Variants in PDCD1 observed in about 807,000 individuals in gnomAD.
PDCD1 encodes the protein programmed cell death 1, also known as programmed cell death protein 1.
In PDCD1, 10 loss-of-function variants were observed where a neutral mutation model predicts 23.6. The ratio of observed to expected loss-of-function variants is 0.42; its 90% CI spans 0.26 to 0.72. The LOEUF (loss-of-function observed/expected upper bound fraction) is 0.72. Ranked by LOEUF, PDCD1 falls within the 30% of genes least tolerant of loss-of-function variation. PDCD1 has a pLI of 0.24. For missense variants in PDCD1, 313 were observed against 397.8 expected (o/e 0.79, Z 1.81); for synonymous variants, 168 against 169.3 (o/e 0.99, Z 0.06).
chr2:241,850,819 G>T lies in PDCD1; in HGVS notation c.*239C>A. On this transcript the variant is annotated 3_prime_UTR_variant, in exon 5 of 5. Coordinates refer to ENST00000334409, the MANE Select transcript of PDCD1 (RefSeq NM_005018.3). Reference sequence around the variant, plus strand: ...GGACCTGAAGCAGTGACTGCATCTGGCCCTCCCTGTAGGGGACGGTGACAC... The same window carrying T: ...GGACCTGAAGCAGTGACTGCATCTGTCCCTCCCTGTAGGGGACGGTGACAC... 1 of 625,466 alleles carries T rather than the reference G, an allele frequency of 1.6e-6. No individual in the cohort carries two copies. The highest frequency in any genetic ancestry group is 2.9e-6 in the Non-Finnish European group (1 of 349,848). 38.7% of individuals were successfully genotyped at this position (625,466 alleles called of 1,614,324 possible). A position where few individuals can be genotyped will look rare whatever the true frequency, so the allele number is the denominator to read the frequency against.
At chr2:241,851,398 C>T (rs1575399280) in intron 4 of PDCD1, 101 bp from the exon 5 acceptor site, 4 of 1,268,472 alleles carry the variant, frequency 3.2e-6, no homozygotes, top group South Asian at 1.4e-5. Flanking sequence ...GAACCTGGGC[C>T]CCCCACTATG....
intron 1 of PDCD1, among the ~76,000 whole-genome samples, chr2:241,855,784 T>C (rs2124867257): frequency 6.6e-6 from 1 of 152,292 alleles, no homozygotes; most frequent in East Asian, 1.9e-4. Flanking sequence ...TGTGCTGGGA[T>C]GAGGACAGCG....
chr2:241,852,765 T>A lies in PDCD1; in HGVS notation c.292A>T (p.Thr98Ser). The change falls in exon 2 of 5, where the codon ACA (threonine) becomes TCA (serine). Residue 98 changes from threonine (T) to serine (S), a missense_variant. Around this residue, in one of 3 missense-constraint regions of PDCD1, gnomAD observed 135 missense variants for 166.9 expected, o/e 0.81. Coordinates refer to ENST00000334409, the MANE Select transcript of PDCD1 (RefSeq NM_005018.3). ...QPGQDCRFRV[T>S]QLPNGRDFHM... ...AAGTCACGCCCGTTGGGCAGTTGTG[T>A]GACACGGAAGCGGCAGTCCTGGCCG... 6.2e-7 allele frequency: 1 copy of A among 1,614,002 alleles called. No homozygotes were observed. Among genetic ancestry groups the A allele is most frequent in the Non-Finnish European group, 8.5e-7 (1 of 1,180,016 alleles).
At position 241,852,197 on chromosome 2, in the gene PDCD1, C is replaced by T; in HGVS notation, c.592+1G>A. The stretch of plus-strand genomic sequence containing the variant: ...AGGCCGAGGGGCTGGGATGACGTTA[C>T]CTCGTGCGGCCCGGGAGCAGATGAC... On this transcript the variant is annotated splice_donor_variant, in intron 3 of 4. Coordinates refer to ENST00000334409, the MANE Select transcript of PDCD1 (RefSeq NM_005018.3). LOFTEE classifies it high-confidence loss of function. The T allele has an allele frequency of 1.9e-6, 3 of 1,607,854 alleles. No homozygotes were observed. The highest frequency in any genetic ancestry group is 2.5e-6 in the Non-Finnish European group (3 of 1,178,570).
chr2:241,850,561 C>T lies in PDCD1; in HGVS notation c.*497G>A, dbSNP rs779838432. On this transcript the variant is annotated 3_prime_UTR_variant, in exon 5 of 5. Coordinates refer to ENST00000334409, the MANE Select transcript of PDCD1 (RefSeq NM_005018.3). ...GGAGTCCCCAGCCCCATGTACCTCCCACTCCTGTGCCCAGTCTTGGGCCCT... is the reference window on the plus strand; with the variant it reads ...GGAGTCCCCAGCCCCATGTACCTCCTACTCCTGTGCCCAGTCTTGGGCCCT... 2 of 384,996 alleles carry T rather than the reference C, an allele frequency of 5.2e-6. No homozygotes were observed. Among genetic ancestry groups the T allele is most frequent in the Non-Finnish European group, 4.9e-6 (1 of 202,186 alleles). The allele number at this position is 384,996 out of a possible 1,614,324, so 23.8% of individuals were successfully genotyped here.
Position 241,851,935 on chromosome 2 carries a change from A to C in PDCD1, c.627+14T>G, listed in dbSNP as rs1399022074. 6.2e-7 allele frequency: 1 copy of C among 1,613,068 alleles called. No individual in the cohort carries two copies. The highest frequency in any genetic ancestry group is 2.2e-5 in the East Asian group (1 of 44,888). On this transcript the variant is annotated intron_variant, in intron 4 of 4. Coordinates refer to ENST00000334409, the MANE Select transcript of PDCD1 (RefSeq NM_005018.3). ...AAGGCACAGTGGATCATGCAGGAAA[A>C]GAGTGAGACTCACCAGGGGCTGGCC...
At chr2:241,856,323 C>T (rs1391283433) in intron 1 of PDCD1, among the ~76,000 whole-genome samples, 6 of 152,190 alleles carry the variant, frequency 3.9e-5, no homozygotes, top group Non-Finnish European at 8.8e-5. Flanking sequence ...AGCCCTCAGT[C>T]GGCGAGAGGG....
Position 241,858,638 on chromosome 2 carries a change from G to A in PDCD1, c.76+125C>T, listed in dbSNP as rs28532536. 5,348 of 801,840 alleles carry A rather than the reference G, an allele frequency of 6.7e-3. 191 individuals carry two copies. The African/African-American group carries it at 0.079, about 12-fold the overall frequency. The allele number at this position is 801,840 out of a possible 1,614,324, so 49.7% of individuals were successfully genotyped here. A position where few individuals can be genotyped will look rare whatever the true frequency, so the allele number is the denominator to read the frequency against. ...AGTGAAAGGTCCCTCCAGACCCCTCGCTCCGGGACCCCTGGGCTGCCAGGG... is the reference window on the plus strand; with the variant it reads ...AGTGAAAGGTCCCTCCAGACCCCTCACTCCGGGACCCCTGGGCTGCCAGGG... On this transcript the variant is annotated intron_variant, in intron 1 of 4. Transcript: ENST00000334409.
At chr2:241,854,424 C>T (rs41414844) in intron 1 of PDCD1, among the ~76,000 whole-genome samples, 2 of 151,974 alleles carry the variant, frequency 1.3e-5, no homozygotes, top group Non-Finnish European at 2.9e-5. Flanking sequence ...GCGTGTGCGG[C>T]GTGGGCCCGG....
rs1267322031 is a variant in PDCD1, at chr2:241,852,995, G to A, written c.77-15C>T. On this transcript the variant is annotated splice_polypyrimidine_tract_variant and intron_variant, in intron 1 of 4. Coordinates refer to ENST00000334409, the MANE Select transcript of PDCD1 (RefSeq NM_005018.3). ...GTCTGGGGAGTCTGAGAGATGGAGA[G>A]AGGTGAGGAAGGGGCTGGGTGGCCC... 3.2e-6 allele frequency: 5 copies of A among 1,542,488 alleles called. No individual in the cohort carries two copies. The South Asian group carries it at 4.7e-5, about 15-fold the overall frequency.
At chr2:241,857,160 C>T (rs1427156814) in intron 1 of PDCD1, among the ~76,000 whole-genome samples, 2 of 152,166 alleles carry the variant, frequency 1.3e-5, no homozygotes, top group East Asian at 1.9e-4. Context: ...GAATGGCGAA[C>T]GCAGTGAATA....
intron 2 of PDCD1, 60 bp from the exon 3 acceptor site, chr2:241,852,413 G>GCA: frequency 8.1e-7 from 1 of 1,235,596 alleles, no homozygotes; most frequent in Non-Finnish European, 1.1e-6. Flanking sequence ...CAGGGTCAGG[G>GCA]GTGAGGGCAG....
chr2:241,850,133 A>G lies in PDCD1; in HGVS notation c.*925T>C. On this transcript the variant is annotated 3_prime_UTR_variant, in exon 5 of 5. Transcript: ENST00000334409. Reference sequence around the variant, plus strand: ...CCGGCCAACCCCTTTAAATAATTTCAGGAATGGGTTCCAAGGAGAGCTCCC... The same window carrying G: ...CCGGCCAACCCCTTTAAATAATTTCGGGAATGGGTTCCAAGGAGAGCTCCC... 4.3e-6 allele frequency: 1 copy of G among 230,462 alleles called. No individual in the cohort carries two copies. 14.3% of individuals were successfully genotyped at this position (230,462 alleles called of 1,614,324 possible). A position where few individuals can be genotyped will look rare whatever the true frequency, so the allele number is the denominator to read the frequency against.
chr2:241,853,901 C>T (rs949548249), intron 1 of PDCD1, among the ~76,000 whole-genome samples: 3 of 152,272 alleles, frequency 2.0e-5, no homozygotes, highest in Non-Finnish European at 4.4e-5. Context: ...CCGTCTCAGG[C>T]CTGGGCACGG....
intron 1 of PDCD1, 81 bp downstream of exon 1, chr2:241,858,682 C>T: frequency 7.8e-7 from 1 of 1,278,342 alleles, no homozygotes; most frequent in Non-Finnish European, 1.1e-6. Flanking sequence ...GCCTCAGCAC[C>T]CCCCGACCTG....
intron 1 of PDCD1, among the ~76,000 whole-genome samples, chr2:241,858,011 G>C (rs1410171803): frequency 1.3e-5 from 2 of 152,178 alleles, no homozygotes; most frequent in Non-Finnish European, 2.9e-5. Context: ...AGAGGGCCCA[G>C]GGTCACGGGC....
Position 241,850,945 on chromosome 2 carries a change from C to T in PDCD1, c.*113G>A. 4 of 1,391,554 alleles carry T rather than the reference C, an allele frequency of 2.9e-6. No individual in the cohort carries two copies. The highest frequency in any genetic ancestry group is 3.9e-6 in the Non-Finnish European group (4 of 1,037,278). The allele number at this position is 1,391,554 out of a possible 1,614,324, so 86.2% of individuals were successfully genotyped here. ...GAGCCCCGGTCGCCCCCAGGCAGCT[C>T]AGCCCCTGGACGGCCTGCAATGGCC... On this transcript the variant is annotated 3_prime_UTR_variant, in exon 5 of 5. Coordinates refer to ENST00000334409, the MANE Select transcript of PDCD1 (RefSeq NM_005018.3).
At chr2:241,853,059 C>A in intron 1 of PDCD1, 79 bp from the exon 2 acceptor site, 2 of 1,475,472 alleles carry the variant, frequency 1.4e-6, no homozygotes, top group African/African-American at 2.8e-5. Flanking sequence ...ATCCCTCGGG[C>A]AGCAAGGGCT....
chr2:241,852,722 C>G lies in PDCD1; in HGVS notation c.335G>C (p.Arg112Thr), dbSNP rs762385872. Residue 112 changes from arginine to threonine, a missense_variant, in exon 2 of 5, where the codon AGG (arginine) becomes ACG (threonine). Physicochemically the swap from Arg to Thr is moderately conservative, Grantham distance 71 (BLOSUM62 -1). Around this residue, in one of 3 missense-constraint regions of PDCD1, gnomAD observed 135 missense variants for 166.9 expected, o/e 0.81. Coordinates refer to ENST00000334409, the MANE Select transcript of PDCD1 (RefSeq NM_005018.3). Reference protein sequence around the residue: ...NGRDFHMSVVRARRNDSGTYL... With the variant: ...NGRDFHMSVVTARRNDSGTYL... Reference sequence around the variant, plus strand: ...GGTGCCGCTGTCATTGCGCCGGGCCCTGACCACGCTCATGTGGAAGTCACG... The same window carrying G: ...GGTGCCGCTGTCATTGCGCCGGGCCGTGACCACGCTCATGTGGAAGTCACG... 6.2e-7 allele frequency: 1 copy of G among 1,613,916 alleles called. No individual in the cohort carries two copies. The highest frequency in any genetic ancestry group is 1.7e-5 in the Admixed American group (1 of 60,034).
Sources: allele counts gnomAD v4.1 joint callset (sites outside exome capture counted in the v4.1 genomes callset), GRCh38; gene constraint gnomAD v4.1.1; regional missense constraint gnomAD v4.1.1; transcripts MANE v1.5; gene names NCBI Gene and HGNC (gene_info 2026-07-23, HGNC 2026-07-21).